The following SNURF variants were observed in gnomAD, a reference collection of about 807,000 sequenced individuals.
SNURF encodes the protein SNRPN upstream open reading frame, also known as SNURF protein.
SNURF carries 6 observed loss-of-function variants against 11.6 expected under a neutral mutation model. That is an observed-to-expected ratio of 0.52 (90% confidence interval 0.28 to 1.02). The LOEUF (loss-of-function observed/expected upper bound fraction) is 1.02, where lower values mean the gene tolerates loss of function less well. Ranked by LOEUF, SNURF falls within the 50% of genes least tolerant of loss-of-function variation. The probability of loss-of-function intolerance (pLI) is 0.09; values close to 1 mark genes in which losing one functional copy is unlikely to be tolerated. For synonymous variants in SNURF, 29 were observed against 31.6 expected (o/e 0.92, Z 0.27); for missense variants, 84 against 88.4 (o/e 0.95, Z 0.20).
intron 6 of SNURF, among the ~76,000 whole-genome samples, chr15:24,977,215 T>G (rs1452690524): frequency 2.0e-5 from 3 of 152,190 alleles, no homozygotes; most frequent in Non-Finnish European, 4.4e-5. Context: ...ATTGGGTGAT[T>G]AAAGTTACCC....
At chr15:24,977,350 T>C (rs1483983081) in intron 6 of SNURF, among the ~76,000 whole-genome samples, 2 of 152,088 alleles carry the variant, frequency 1.3e-5, no homozygotes, top group Non-Finnish European at 2.9e-5. Flanking sequence ...TTTTAAAATA[T>C]GGGAATAGGC....
intron 1 of SNURF, chr15:24,958,835 C>G (rs1458349498): frequency 6.5e-6 from 1 of 154,352 alleles, no homozygotes; most frequent in Non-Finnish European, 1.5e-5. Context: ...ACTCCTGCCT[C>G]AGCCTCCCAA....
chr15:24,955,585 C>T (rs955449489), intron 1 of SNURF, among the ~76,000 whole-genome samples: 1 of 129,160 alleles, frequency 7.7e-6, no homozygotes, highest in Non-Finnish European at 1.6e-5. Context: ...CGTGGTGGAG[C>T]AGGGTACGTG....
Position 24,962,043 on chromosome 15 carries a change from T to C in SNURF, c.15-71T>C, listed in dbSNP as rs2074919938. ...ATTATATTAAATGTAGTTCTAAATA[T>C]AACCTTGACAAATAGTTATTTCATA... On this transcript the variant is annotated intron_variant, in intron 1 of 2. Transcript: ENST00000577949. 44 of 1,248,670 alleles carry C rather than the reference T, an allele frequency of 3.5e-5. No individual in the cohort carries two copies. In the South Asian group the frequency reaches 5.1e-4, roughly 15 times the overall value. 77.3% of individuals were successfully genotyped at this position (1,248,670 alleles called of 1,614,324 possible). A position where few individuals can be genotyped will look rare whatever the true frequency, so the allele number is the denominator to read the frequency against.
downstream of SNURF, among the ~76,000 whole-genome samples, chr15:24,972,714 T>G (rs2076579899): frequency 6.6e-6 from 1 of 152,096 alleles, no homozygotes; most frequent in South Asian, 2.1e-4. Flanking sequence ...TCTGGCTAGA[T>G]TTGGTTGCCA....
chr15:24,962,365 C>A (rs893762635), intron 2 of SNURF, among the ~76,000 whole-genome samples, 156 bp downstream of exon 2: 2 of 152,162 alleles, frequency 1.3e-5, no homozygotes, highest in African/African-American at 4.8e-5. Flanking sequence ...AATTCTTAAC[C>A]ATATTATCCT....
chr15:24,971,900 A>G (rs1055888073), downstream of SNURF, among the ~76,000 whole-genome samples: 1 of 152,196 alleles, frequency 6.6e-6, no homozygotes, highest in African/African-American at 2.4e-5. Context: ...GCTCATTCAC[A>G]GTCATGATCC....
chr15:24,975,530 T>C (rs943304308), intron 4 of SNURF: 1 of 1,608,110 alleles, frequency 6.2e-7, no homozygotes, highest in Admixed American at 1.7e-5. Context: ...TTTGGGCAAA[T>C]GGGGGTTGGA....
At chr15:24,961,765 G>C (rs1405460444) in intron 1 of SNURF, among the ~76,000 whole-genome samples, 1 of 152,076 alleles carries the variant, frequency 6.6e-6, no homozygotes, top group African/African-American at 2.4e-5. Context: ...CTGTTTTTGG[G>C]GGGAAGGTGA....
chr15:24,957,660 G>T (rs1291021673), intron 1 of SNURF, among the ~76,000 whole-genome samples: 1 of 152,166 alleles, frequency 6.6e-6, no homozygotes, highest in Admixed American at 6.5e-5. Flanking sequence ...GAAAAGCCTT[G>T]TTCTGGAATA....
chr15:24,958,554 T>G (rs2074257056), intron 1 of SNURF, among the ~76,000 whole-genome samples: 1 of 137,404 alleles, frequency 7.3e-6, no homozygotes, highest in South Asian at 2.6e-4. Flanking sequence ...TTGTCCAGGC[T>G]GAACTCGAAC....
At chr15:24,968,127 G>C (rs2075914897) in exon 3 of SNURF, 1 of 1,157,738 alleles carries the variant, frequency 8.6e-7, no homozygotes, top group African/African-American at 1.5e-5. Flanking sequence ...AATCATTAAA[G>C]AATGGGGTGT....
chr15:24,963,882 A>G (rs1174652931), intron 2 of SNURF, among the ~76,000 whole-genome samples: 1 of 151,976 alleles, frequency 6.6e-6, no homozygotes, highest in Non-Finnish European at 1.5e-5. Context: ...AGAAAAATAA[A>G]TTAGCCAGGC....
chr15:24,970,206 C>T (rs1295649677), downstream of SNURF, among the ~76,000 whole-genome samples: 1 of 152,136 alleles, frequency 6.6e-6, no homozygotes, highest in Non-Finnish European at 1.5e-5. Context: ...GATGGGTAGT[C>T]TTTAACAACA....
At chr15:24,958,187 C>T (rs1186109094) in intron 1 of SNURF, among the ~76,000 whole-genome samples, 3 of 152,122 alleles carry the variant, frequency 2.0e-5, no homozygotes, top group Non-Finnish European at 2.9e-5. Context: ...GTTCCTTTTC[C>T]TAATAAACAT....
intron 2 of SNURF, among the ~76,000 whole-genome samples, chr15:24,965,611 A>G (rs1157183984): frequency 6.6e-6 from 1 of 152,226 alleles, no homozygotes; most frequent in African/African-American, 2.4e-5. Flanking sequence ...TTGTCACTAA[A>G]TTAGCTCTTA....
chr15:24,974,435 A>G, intron 3 of SNURF: 1 of 1,613,300 alleles, frequency 6.2e-7, no homozygotes, highest in Non-Finnish European at 8.5e-7. Context: ...TGGACATTGG[A>G]TTTGGTGGAA....
chr15:24,957,145 T>G (rs1385386788), intron 1 of SNURF, among the ~76,000 whole-genome samples: 1 of 152,206 alleles, frequency 6.6e-6, no homozygotes, highest in Non-Finnish European at 1.5e-5. Flanking sequence ...AATGTCACCA[T>G]TTAAGATTCA....
chr15:24,975,534 G>A (rs2076959543), intron 4 of SNURF: 1 of 1,605,030 alleles, frequency 6.2e-7, no homozygotes, highest in East Asian at 2.2e-5. Context: ...GGCAAATGGG[G>A]GTTGGACACA....
Sources: allele counts gnomAD v4.1 joint callset (sites outside exome capture counted in the v4.1 genomes callset), GRCh38; gene constraint gnomAD v4.1.1; transcripts MANE v1.5; gene names NCBI Gene and HGNC (gene_info 2026-07-23, HGNC 2026-07-21).